The following FAF1 variants were observed in gnomAD, a reference collection of about 807,000 sequenced individuals.
The protein encoded by FAF1 is Fas associated factor 1, also known as FAS-associated factor 1.
Under a neutral mutation model 92.5 loss-of-function variants are expected in FAF1, and 25 were observed. That is an observed-to-expected ratio of 0.27 (90% confidence interval 0.20 to 0.38). FAF1 has a LOEUF of 0.38. FAF1 is among the 10% of genes least tolerant of loss of function. The pLI, the probability that FAF1 is intolerant of heterozygous loss-of-function variation, is 1.00. For synonymous variants in FAF1, 234 were observed against 273.2 expected (o/e 0.86, Z 1.42); for missense variants, 636 against 793.3 (o/e 0.80, Z 2.38).
chr1:50,519,081 T>C (rs1232090091), intron 15 of FAF1, among the ~76,000 whole-genome samples: 2 of 151,964 alleles, frequency 1.3e-5, no homozygotes, highest in African/African-American at 2.4e-5. Context: ...CCTGCAATTC[T>C]AGCACTTTGG....
intron 7 of FAF1, among the ~76,000 whole-genome samples, chr1:50,692,565 G>A (rs1656988605): frequency 6.6e-6 from 1 of 152,032 alleles, no homozygotes; most frequent in South Asian, 2.1e-4. Flanking sequence ...CACTTAGCAT[G>A]CTGTCCTCCA....
chr1:50,567,924 A>G (rs1039145689), intron 12 of FAF1, among the ~76,000 whole-genome samples: 6 of 152,106 alleles, frequency 3.9e-5, no homozygotes, highest in Admixed American at 1.3e-4. Context: ...CCCTTTTGCC[A>G]TAATAAAAGT....
intron 7 of FAF1, 81 bp downstream of exon 7, chr1:50,705,705 G>A (rs1657645769): frequency 2.7e-6 from 2 of 729,522 alleles, no homozygotes; most frequent in Non-Finnish European, 4.7e-6. Flanking sequence ...TTTCCAACCA[G>A]AACAGATAAG....
At chr1:50,729,050 ATATATATATTT>A (rs1419973080) in intron 6 of FAF1, among the ~76,000 whole-genome samples, 34 of 95,848 alleles carry the variant, frequency 3.5e-4, no homozygotes, top group African/African-American at 1.3e-3. Context: ...ATATATATAT[ATATATATATTT>A]TTTTTTTTTT....
chr1:50,677,499 A>T (rs1366510778), intron 7 of FAF1, among the ~76,000 whole-genome samples: 1 of 152,220 alleles, frequency 6.6e-6, no homozygotes, highest in African/African-American at 2.4e-5. Flanking sequence ...TTTCTTTAGT[A>T]ATTAAAAAAG....
At chr1:50,798,644 C>T (rs758397801) in intron 3 of FAF1, among the ~76,000 whole-genome samples, 4 of 152,106 alleles carry the variant, frequency 2.6e-5, no homozygotes, top group Non-Finnish European at 4.4e-5. Context: ...TGAAATAAGC[C>T]TTGGAGAAAG....
intron 1 of FAF1, among the ~76,000 whole-genome samples, chr1:50,893,860 C>T (rs568668504): frequency 1.3e-5 from 2 of 152,280 alleles, no homozygotes; most frequent in South Asian, 4.1e-4. Flanking sequence ...TAGAAACCTA[C>T]CTGGTATTCT....
intron 1 of FAF1, among the ~76,000 whole-genome samples, chr1:50,902,698 T>C (rs1557582011): frequency 6.6e-6 from 1 of 152,192 alleles, no homozygotes; most frequent in Non-Finnish European, 1.5e-5. Flanking sequence ...TATTTGCATA[T>C]AACTTATGCA....
intron 1 of FAF1, among the ~76,000 whole-genome samples, chr1:50,920,165 G>A (rs1358137866): frequency 6.6e-6 from 1 of 152,026 alleles, no homozygotes; most frequent in Non-Finnish European, 1.5e-5. Flanking sequence ...GCTGGGTGTG[G>A]TGGCACTCGC....
At chr1:50,885,945 A>C (rs1367659091) in intron 1 of FAF1, among the ~76,000 whole-genome samples, 1 of 151,382 alleles carries the variant, frequency 6.6e-6, no homozygotes, top group Non-Finnish European at 1.5e-5. Context: ...CTGTTTACAT[A>C]AACAAAAAAA....
At chr1:50,619,394 G>C (rs1012000652) in intron 8 of FAF1, among the ~76,000 whole-genome samples, 3 of 152,160 alleles carry the variant, frequency 2.0e-5, no homozygotes, top group Admixed American at 6.5e-5. Flanking sequence ...TCCAAGTTTA[G>C]TACTCCCAGA....
Position 50,884,536 on chromosome 1 carries a change from A to AC in FAF1, c.46-26540_46-26539insG, listed in dbSNP as rs1644641608. Among the ~76,000 whole-genome samples, 5 of 151,988 alleles carry AC rather than the reference A, an allele frequency of 3.3e-5. No individual in the cohort carries two copies. In the South Asian group the frequency reaches 1.0e-3, roughly 32 times the overall value. ...GACTCTGTCTCAAAAAAAAAAAAAA[A>AC]AAATTTTTTTTCTTAAATACAAGCA... On this transcript the variant is annotated intron_variant, in intron 1 of 18. Coordinates refer to ENST00000396153, the MANE Select transcript of FAF1 (RefSeq NM_007051.3).
In FAF1 at chr1:50,654,517, G is replaced by C. The variant is rs1194107332; in HGVS notation, c.744+925C>G. Among the ~76,000 whole-genome samples the C allele has an allele frequency of 7.9e-5, 12 of 152,190 alleles. 1 individual carries two copies. In the South Asian group the frequency reaches 2.5e-3, roughly 32 times the overall value. On this transcript the variant is annotated intron_variant, in intron 8 of 18. Transcript: ENST00000396153. ...AGTGGAAATGACAGAGATAGGAAAG[G>C]CTTCAAACATTTACAATAAGGAAAT...
Position 50,862,751 on chromosome 1 carries a change from G to GA in FAF1, c.46-4755dup, listed in dbSNP as rs202030118. Among the ~76,000 whole-genome samples the GA allele has an allele frequency of 2.6e-5, 4 of 151,208 alleles. No homozygotes were observed. The East Asian group carries it at 5.8e-4, about 22-fold the overall frequency. The stretch of plus-strand genomic sequence containing the variant: ...AGCAAGAGTAGCTATTCTTATATGA[G>GA]AAAAAAACAAACTTTAAAGCAACAA... On this transcript the variant is annotated intron_variant, in intron 1 of 18. Transcript: ENST00000396153.
At position 50,612,486 on chromosome 1, in the gene FAF1, G is replaced by A. The variant is rs574937429; in HGVS notation, c.745-16270C>T. 3.5e-3 allele frequency: 3,748 copies of A among 1,067,542 alleles called. 6 individuals carry two copies. The highest frequency in any genetic ancestry group is 4.0e-3 in the Non-Finnish European group (3,534 of 877,686). 66.1% of individuals were successfully genotyped at this position (1,067,542 alleles called of 1,614,324 possible). On this transcript the variant is annotated intron_variant, in intron 8 of 18. Coordinates refer to ENST00000396153, the MANE Select transcript of FAF1 (RefSeq NM_007051.3). The stretch of plus-strand genomic sequence containing the variant: ...TCAAATATGCAAGGATACATCTCAA[G>A]CCTGCTTTGTATGCATGAAGGGTAC...
chr1:50,676,222 C>T (rs114623137), intron 7 of FAF1, among the ~76,000 whole-genome samples: 8,194 of 151,020 alleles, frequency 0.054, 294 homozygotes, highest in African/African-American at 0.097. Context: ...GCTTGGACAA[C>T]CTGGTGAAAC....
chr1:50,450,156 T>C (rs1200343064), intron 18 of FAF1, among the ~76,000 whole-genome samples: 1 of 149,456 alleles, frequency 6.7e-6, no homozygotes, highest in East Asian at 2.0e-4. Context: ...GTCATGCCAC[T>C]GTACTCCAGC....
At chr1:50,786,353 C>G (rs1661364661) in intron 4 of FAF1, among the ~76,000 whole-genome samples, 1 of 152,144 alleles carries the variant, frequency 6.6e-6, no homozygotes, top group African/African-American at 2.4e-5. Context: ...AATAAGCCAT[C>G]ACAGCGGGCA....
chr1:50,664,627 A>G (rs182694034), intron 7 of FAF1, among the ~76,000 whole-genome samples: 2 of 152,158 alleles, frequency 1.3e-5, no homozygotes, highest in East Asian at 3.9e-4. Context: ...TGTCTCTACT[A>G]AAAATACAAA....
Sources: allele counts gnomAD v4.1 joint callset (sites outside exome capture counted in the v4.1 genomes callset), GRCh38; gene constraint gnomAD v4.1.1; transcripts MANE v1.5; gene names NCBI Gene and HGNC (gene_info 2026-07-23, HGNC 2026-07-21).